HECTD4: variants seen among roughly 807,000 people sequenced by gnomAD.
HECTD4 encodes HECT domain E3 ubiquitin protein ligase 4, also known as probable E3 ubiquitin-protein ligase HECTD4.
A neutral mutation model predicts 471.5 loss-of-function variants in HECTD4; 114 were observed. The observed-to-expected ratio is 0.24, with a 90% CI of 0.21 to 0.28. The LOEUF is 0.28. Among genes scored for constraint, HECTD4 ranks in the 10% least tolerant of loss-of-function variants. The pLI is 1.00. For synonymous variants in HECTD4, 2,012 were observed against 2,256.0 expected, an observed-to-expected ratio of 0.89 and a Z score of 3.07; for missense variants, 3,866 against 5,651.5, an observed-to-expected ratio of 0.68 and a Z score of 10.13.
chr12:112,187,133 C>T (rs1215473200), intron 60 of HECTD4, among the ~76,000 whole-genome samples: 1 of 152,184 alleles, frequency 6.6e-6, no homozygotes, highest in Non-Finnish European at 1.5e-5. Flanking sequence ...GCATGCACCA[C>T]CACACCCGGC....
chr12:112,219,186 A>G (rs79284615), intron 45 of HECTD4, among the ~76,000 whole-genome samples, 200 bp downstream of exon 45: 498 of 152,360 alleles, frequency 3.3e-3, no homozygotes, highest in African/African-American at 0.011. Context: ...TAATTTTCCA[A>G]TATTCAGAAT....
chr12:112,377,621 G>A (rs772997682), intron 1 of HECTD4, among the ~76,000 whole-genome samples: 5 of 152,086 alleles, frequency 3.3e-5, no homozygotes, highest in Admixed American at 6.6e-5. Flanking sequence ...CTGTAATCTC[G>A]GCACTTTGGG....
intron 7 of HECTD4, among the ~76,000 whole-genome samples, chr12:112,285,973 T>G (rs1188560398): frequency 6.6e-6 from 1 of 152,092 alleles, no homozygotes; most frequent in African/African-American, 2.4e-5. Flanking sequence ...ACTTTAAGCT[T>G]GGCATTCAAA....
intron 7 of HECTD4, among the ~76,000 whole-genome samples, chr12:112,285,443 C>T (rs2034730985): frequency 6.6e-6 from 1 of 152,148 alleles, no homozygotes; most frequent in Non-Finnish European, 1.5e-5. Flanking sequence ...TCCTCCCCAG[C>T]ACCCCAACCC....
intron 1 of HECTD4, among the ~76,000 whole-genome samples, chr12:112,343,690 G>C (rs1210928478): frequency 6.6e-6 from 1 of 152,068 alleles, no homozygotes; most frequent in Non-Finnish European, 1.5e-5. Flanking sequence ...AGGATTTCTT[G>C]AGGCCAGGAG....
chr12:112,229,162 A>T (rs2033313083), intron 41 of HECTD4, among the ~76,000 whole-genome samples: 1 of 152,106 alleles, frequency 6.6e-6, no homozygotes, highest in African/African-American at 2.4e-5. Flanking sequence ...TCCCATCTCT[A>T]TTAAAAATAC....
intron 18 of HECTD4, among the ~76,000 whole-genome samples, chr12:112,260,163 T>C (rs2034111316): frequency 6.6e-6 from 1 of 152,192 alleles, no homozygotes; most frequent in South Asian, 2.1e-4. Flanking sequence ...CATTCTACTT[T>C]CTGTCTCTAT....
intron 68 of HECTD4, 111 bp downstream of exon 68, chr12:112,171,006 T>G (rs1431797358): frequency 1.2e-6 from 1 of 835,962 alleles, no homozygotes; most frequent in African/African-American, 1.7e-5. Flanking sequence ...TGAGGTGGGG[T>G]GGCATCTTCC....
rs567311373 is a variant in HECTD4, at chr12:112,219,488, T to G, written c.6972A>C (p.Gly2324=). The change falls in exon 45 of 76, where the codon GGA becomes GGC. Residue 2324 remains glycine (G), a splice_region_variant and synonymous_variant. Coordinates refer to ENST00000682272, the MANE Select transcript of HECTD4 (RefSeq NM_001388303.1). The part of the protein sequence containing the change: ...LNLVAQECSA[G]ERLAVVEVQC... Reference sequence around the variant, plus strand: ...GTACCTCCACAACTGCAAGTCGCTCTCCTGTAGAGGGCACATGTTGAATCT... The same window carrying G: ...GTACCTCCACAACTGCAAGTCGCTCGCCTGTAGAGGGCACATGTTGAATCT... 2 of 1,610,630 alleles carry G rather than the reference T, an allele frequency of 1.2e-6. No individual in the cohort carries two copies. Among genetic ancestry groups the G allele is most frequent in the African/African-American group, 2.7e-5 (2 of 74,942 alleles).
chr12:112,192,700 C>A lies in HECTD4; in HGVS notation c.9152G>T (p.Arg3051Leu), dbSNP rs745792647. The change falls in exon 59 of 76, where the codon CGA (arginine) becomes CTA (leucine). Residue 3051 changes from arginine (R) to leucine (L), a missense_variant. Coordinates refer to ENST00000682272, the MANE Select transcript of HECTD4 (RefSeq NM_001388303.1). ...LVYGLGHKVKRNGQLNLIEAA... is the reference protein window; with the variant it reads ...LVYGLGHKVKLNGQLNLIEAA... ...CTCGATGAGGTTCAGCTGGCCATTT[C>A]GCTTCACTTTGTGGCCGAGGCCATA... 1 of 1,601,120 alleles carries A rather than the reference C, an allele frequency of 6.2e-7. No individual in the cohort carries two copies. Among genetic ancestry groups the A allele is most frequent in the Admixed American group, 1.7e-5 (1 of 57,770 alleles).
intron 62 of HECTD4, among the ~76,000 whole-genome samples, chr12:112,182,722 G>A (rs116589820): frequency 1.0e-3 from 155 of 152,396 alleles, no homozygotes; most frequent in African/African-American, 3.6e-3. Flanking sequence ...AGCCTCTCCA[G>A]CTGGAACGCG....
chr12:112,290,328 T>TAATC (rs1041920814), intron 7 of HECTD4, among the ~76,000 whole-genome samples: 21 of 136,696 alleles, frequency 1.5e-4, no homozygotes, highest in African/African-American at 4.9e-4. Flanking sequence ...TCAAAAAAAA[T>TAATC]AATCAATCAA....
At chr12:112,308,111 T>C (rs531598389) in intron 6 of HECTD4, among the ~76,000 whole-genome samples, 83 of 152,362 alleles carry the variant, frequency 5.4e-4, no homozygotes, top group Non-Finnish European at 9.6e-4. Context: ...TGAGGAATGG[T>C]AGTTACCATC....
chr12:112,171,299 C>T, intron 67 of HECTD4, 36 bp from the exon 68 acceptor site: 1 of 1,571,784 alleles, frequency 6.4e-7, no homozygotes, highest in Non-Finnish European at 8.6e-7. Flanking sequence ...GAGATCTCGG[C>T]CAGGTGGCTG....
chr12:112,247,144 T>G, intron 28 of HECTD4, 68 bp from the exon 29 acceptor site: 4 of 1,270,482 alleles, frequency 3.1e-6, no homozygotes, highest in Non-Finnish European at 4.4e-6. Flanking sequence ...TAAAAAAAAA[T>G]GTTTACAAAG....
At chr12:112,367,820 CAAAAAAAAAAAAAAAA>C (rs59590181) in intron 1 of HECTD4, among the ~76,000 whole-genome samples, 1 of 12,564 alleles carries the variant, frequency 8.0e-5, no homozygotes, top group Non-Finnish European at 2.1e-4. Context: ...GACTCCATCT[CAAAAAAAAAAAAAAAA>C]AAAAAAAAAA....
At chr12:112,170,228 A>C in intron 69 of HECTD4, 105 bp downstream of exon 69, 1 of 1,455,596 alleles carries the variant, frequency 6.9e-7, no homozygotes, top group Non-Finnish European at 9.3e-7. Flanking sequence ...CGACAGGAGG[A>C]ACCGCTGCAC....
Position 112,228,026 on chromosome 12 carries a change from G to C in HECTD4, c.6854+63C>G, listed in dbSNP as rs2033285357. The C allele has an allele frequency of 6.9e-7, 1 of 1,457,110 alleles. No individual in the cohort carries two copies. The highest frequency in any genetic ancestry group is 1.4e-5 in the African/African-American group (1 of 69,342). 90.3% of individuals were successfully genotyped at this position (1,457,110 alleles called of 1,614,324 possible). A position where few individuals can be genotyped will look rare whatever the true frequency, so the allele number is the denominator to read the frequency against. On this transcript the variant is annotated intron_variant, in intron 43 of 75. Coordinates refer to ENST00000682272, the MANE Select transcript of HECTD4 (RefSeq NM_001388303.1). This position sits in a 1 kb window ranked among gnomAD's most constrained non-coding sequence, Gnocchi z 4.9. ...GTTGGGAGTGGAGGGGCCCACCAAG[G>C]ATCCCTTCTTCTGTCAGCTTGCACC...
Position 112,247,709 on chromosome 12 carries a change from T to A in HECTD4, c.4249-159A>T, listed in dbSNP as rs1418879421. 2.0e-5 allele frequency among the ~76,000 whole-genome samples: 3 copies of A among 152,216 alleles called. No homozygotes were observed. The East Asian group carries it at 5.8e-4, about 29-fold the overall frequency. ...AGTTATTATTTGATATTTTAATGAT[T>A]AAAAATGGCATTGACTACTTTCTGG... On this transcript the variant is annotated intron_variant, in intron 27 of 75. Transcript: ENST00000682272.
Sources: gnomAD v4.1 joint callset for allele counts (sites outside exome capture counted in the v4.1 genomes callset) on GRCh38, gnomAD v4.1.1 for gene constraint, Gnocchi (gnomAD v3.1) non-coding constraint, MANE v1.5 for transcripts, NCBI Gene and HGNC (gene_info 2026-07-23, HGNC 2026-07-21) for gene names.